Variants in GAREM1 observed in about 807,000 individuals in gnomAD.
GAREM1 encodes GRB2-associated and regulator of MAPK protein 1.
Under a neutral mutation model 71.3 loss-of-function variants are expected in GAREM1, and 26 were observed. The ratio of observed to expected loss-of-function variants is 0.36; its 90% CI spans 0.27 to 0.51. The LOEUF is 0.51. Among genes scored for constraint, GAREM1 ranks in the 20% least tolerant of loss-of-function variants. The pLI, the probability that GAREM1 is intolerant of heterozygous loss-of-function variation, is 0.95. For synonymous variants in GAREM1, 440 were observed against 433.2 expected (o/e 1.02, Z -0.20); for missense variants, 1,026 against 1,103.1 (o/e 0.93, Z 0.99).
chr18:32,409,728 C>T (rs923014249), intron 1 of GAREM1, among the ~76,000 whole-genome samples: 2 of 152,244 alleles, frequency 1.3e-5, no homozygotes, highest in Middle Eastern at 3.4e-3. Flanking sequence ...TGAAATTTTA[C>T]ACCCTGAAAT....
At chr18:32,409,907 G>A (rs761437362) in intron 1 of GAREM1, among the ~76,000 whole-genome samples, 22 of 152,296 alleles carry the variant, frequency 1.4e-4, no homozygotes, top group Non-Finnish European at 2.5e-4. Flanking sequence ...GCAGGTGAGA[G>A]AGGGGACTCA....
At chr18:32,439,799 TC>T (rs1422630467) in intron 1 of GAREM1, among the ~76,000 whole-genome samples, 3 of 152,066 alleles carry the variant, frequency 2.0e-5, no homozygotes, top group African/African-American at 7.3e-5. Flanking sequence ...TAAGTCTCAA[TC>T]AGCCACCAAC....
intron 2 of GAREM1, among the ~76,000 whole-genome samples, chr18:32,356,964 G>A (rs1206585915): frequency 6.6e-6 from 1 of 152,124 alleles, no homozygotes; most frequent in East Asian, 1.9e-4. Context: ...CCTAATGGAG[G>A]TTTTGGTCCT....
chr18:32,355,134 AT>A, intron 2 of GAREM1, among the ~76,000 whole-genome samples: 1 of 152,352 alleles, frequency 6.6e-6, no homozygotes, highest in South Asian at 2.1e-4. Context: ...AAACTATGGT[AT>A]CAAGATGGAA....
intron 2 of GAREM1, among the ~76,000 whole-genome samples, chr18:32,328,007 A>T (rs527429993): frequency 1.4e-4 from 22 of 152,336 alleles, no homozygotes; most frequent in African/African-American, 5.1e-4. Context: ...TTTTATTATC[A>T]AGATTCCATA....
chr18:32,428,475 C>T (rs1006445845), intron 1 of GAREM1, among the ~76,000 whole-genome samples: 2 of 152,106 alleles, frequency 1.3e-5, no homozygotes, highest in Admixed American at 1.3e-4. Flanking sequence ...CTCGTGAGAT[C>T]TGGTTGTTTA....
intron 2 of GAREM1, among the ~76,000 whole-genome samples, chr18:32,343,311 GTTT>G (rs35086441): frequency 1.0e-3 from 123 of 118,848 alleles, no homozygotes; most frequent in African/African-American, 3.6e-3. Context: ...CTCCCCCACT[GTTT>G]TTTTTTTTTT....
chr18:32,285,902 G>A lies in GAREM1; in HGVS notation c.1566+1129C>T, dbSNP rs536647497. Among the ~76,000 whole-genome samples the A allele has an allele frequency of 1.8e-4, 28 of 152,252 alleles. No homozygotes were observed. The East Asian group carries it at 4.6e-3, about 25-fold the overall frequency. The stretch of plus-strand genomic sequence containing the variant: ...CCAGAAAGGTGTCCTAAGATCACCC[G>A]GTAGGGGCAAAGAGTGGGCAGGGAC... On this transcript the variant is annotated intron_variant, in intron 4 of 5. Coordinates refer to ENST00000269209, the MANE Select transcript of GAREM1 (RefSeq NM_001242409.2).
intron 1 of GAREM1, among the ~76,000 whole-genome samples, chr18:32,463,174 C>T (rs2048968025): frequency 1.3e-5 from 2 of 151,958 alleles, no homozygotes; most frequent in African/African-American, 2.4e-5. Flanking sequence ...ACTGAAATGC[C>T]ACATTGTACT....
In GAREM1 at chr18:32,267,953, A is replaced by T. The variant is rs1567940133; in HGVS notation, c.2549T>A (p.Ile850Asn). 2 of 1,614,012 alleles carry T rather than the reference A, an allele frequency of 1.2e-6. No homozygotes were observed. The highest frequency in any genetic ancestry group is 1.1e-5 in the South Asian group (1 of 91,076). ...GNLLVQLTEE[I>N]LSEDFKLSKL... Reference sequence around the variant, plus strand: ...GCTCAATTTGAAATCCTCTGAGAGGATTTCTTCCGTTAGCTGAACAAGCAG... The same window carrying T: ...GCTCAATTTGAAATCCTCTGAGAGGTTTTCTTCCGTTAGCTGAACAAGCAG... Residue 850 changes from isoleucine (I) to asparagine (N), a missense_variant, in exon 6 of 6, where the codon ATC (isoleucine) becomes AAC (asparagine). Coordinates refer to ENST00000269209, the MANE Select transcript of GAREM1 (RefSeq NM_001242409.2).
At chr18:32,460,890 T>C (rs1169483640) in intron 1 of GAREM1, among the ~76,000 whole-genome samples, 2 of 152,030 alleles carry the variant, frequency 1.3e-5, no homozygotes, top group East Asian at 1.9e-4. Context: ...ACACATAATA[T>C]GTAAAGGAGA....
chr18:32,281,221 T>C (rs567167699), intron 4 of GAREM1, among the ~76,000 whole-genome samples: 1 of 152,304 alleles, frequency 6.6e-6, no homozygotes, highest in African/African-American at 2.4e-5. Flanking sequence ...GATGCAATGC[T>C]GCACGCCTCT....
rs1315003510 is a variant in GAREM1 at position 32,270,262 on chromosome 18, G to A, written c.1688C>T (p.Ser563Phe). ...ATAGTAGGACAAGGTGGGGCTGGGAGAGCGAGTCTGTTGCCGCGCTGGCTT... is the reference window on the plus strand; with the variant it reads ...ATAGTAGGACAAGGTGGGGCTGGGAAAGCGAGTCTGTTGCCGCGCTGGCTT... ...TVKPARQQTRSPSPTLSYYSS... is the reference protein window; with the variant it reads ...TVKPARQQTRFPSPTLSYYSS... The change falls in exon 5 of 6, where the codon TCT becomes TTT. Residue 563 changes from serine to phenylalanine, a missense_variant. Physicochemically the swap from Ser to Phe is radical, Grantham distance 155 (BLOSUM62 -2). Around this residue, in one of 3 missense-constraint regions of GAREM1, gnomAD observed 636 missense variants for 631.2 expected, o/e 1.01. Transcript: ENST00000269209. The A allele has an allele frequency of 6.2e-7, 1 of 1,614,048 alleles. No homozygotes were observed. The highest frequency in any genetic ancestry group is 8.5e-7 in the Non-Finnish European group (1 of 1,179,996).
chr18:32,427,014 T>G (rs2048582368), intron 1 of GAREM1, among the ~76,000 whole-genome samples: 1 of 152,212 alleles, frequency 6.6e-6, no homozygotes, highest in Non-Finnish European at 1.5e-5. Context: ...TTCCCTTTAT[T>G]CATGCTATTG....
In GAREM1 at chr18:32,365,735, A is replaced by G. The variant is rs370732527; in HGVS notation, c.262+27160T>C. Among the ~76,000 whole-genome samples the G allele has an allele frequency of 7.9e-5, 12 of 152,308 alleles. No individual in the cohort carries two copies. The South Asian group carries it at 1.2e-3, about 16-fold the overall frequency. On this transcript the variant is annotated intron_variant, in intron 2 of 5. Transcript: ENST00000269209. ...CAACTCTGCCACCAGCACTTCATCA[A>G]AAGGCACTCTGGGTACTAATCCTAA... is the stretch of plus-strand genomic sequence containing the variant.
chr18:32,405,677 T>C (rs1599024602), intron 1 of GAREM1, among the ~76,000 whole-genome samples: 1 of 152,292 alleles, frequency 6.6e-6, no homozygotes, highest in East Asian at 1.9e-4. Flanking sequence ...CATTTCCTAC[T>C]TCCTGTCCTG....
At chr18:32,341,068 T>C (rs541831880) in intron 2 of GAREM1, among the ~76,000 whole-genome samples, 1 of 152,156 alleles carries the variant, frequency 6.6e-6, no homozygotes. Context: ...CATGTTGGTG[T>C]GCTGCACCCA....
At chr18:32,341,378 T>C (rs1029627417) in intron 2 of GAREM1, among the ~76,000 whole-genome samples, 5 of 152,244 alleles carry the variant, frequency 3.3e-5, no homozygotes, top group East Asian at 3.8e-4. Context: ...CAGTCTATCA[T>C]TGATGGACAT....
chr18:32,291,011 CAATAT>C (rs761591390), intron 3 of GAREM1, among the ~76,000 whole-genome samples: 2 of 152,134 alleles, frequency 1.3e-5, no homozygotes, highest in Non-Finnish European at 2.9e-5. Flanking sequence ...ATTCCTCCAA[CAATAT>C]GAAAGTACAC....
Sources: allele counts gnomAD v4.1 joint callset (sites outside exome capture counted in the v4.1 genomes callset), GRCh38; gene constraint gnomAD v4.1.1; regional missense constraint gnomAD v4.1.1; transcripts MANE v1.5; gene names NCBI Gene and HGNC (gene_info 2026-07-23, HGNC 2026-07-21).